The following ADGRE3 variants were observed in gnomAD, a reference collection of about 807,000 sequenced individuals.
ADGRE3 encodes the protein EGF-like module receptor 3.
In ADGRE3, 88 loss-of-function variants were observed where a neutral mutation model predicts 80.1. The observed-to-expected ratio is 1.10, with a 90% CI of 0.93 to 1.31. The LOEUF (loss-of-function observed/expected upper bound fraction) is 1.31. ADGRE3 is among the 40% of genes most tolerant of loss of function. ADGRE3 has a pLI of 0.00. For missense variants in ADGRE3, 715 were observed against 776.5 expected, an observed-to-expected ratio of 0.92 and a Z score of 0.94; for synonymous variants, 281 against 294.8, an observed-to-expected ratio of 0.95 and a Z score of 0.48.
chr19:14,665,978 A>ATATATATATATATATATATATT (rs1568500899), intron 2 of ADGRE3, among the ~76,000 whole-genome samples: 2 of 128,246 alleles, frequency 1.6e-5, no homozygotes, highest in Non-Finnish European at 1.6e-5. Context: ...ATATATATAT[A>ATATATATATATATATATATATT]GTGTTTTCTT....
intron 9 of ADGRE3, among the ~76,000 whole-genome samples, chr19:14,642,593 C>T (rs1031280792): frequency 3.3e-5 from 5 of 152,110 alleles, no homozygotes; most frequent in Admixed American, 1.3e-4. Flanking sequence ...ACTCTCCACC[C>T]TCTTTGTGTC....
chr19:14,617,377 C>CTTTTTCTTT (rs1491527496), downstream of ADGRE3, among the ~76,000 whole-genome samples: 1 of 86,364 alleles, frequency 1.2e-5, no homozygotes, highest in Non-Finnish European at 2.2e-5. Flanking sequence ...TTTCTTTCTT[C>CTTTTTCTTT]CTTTCTTTCT....
At chr19:14,665,104 C>T (rs893956183) in intron 2 of ADGRE3, among the ~76,000 whole-genome samples, 10 of 134,992 alleles carry the variant, frequency 7.4e-5, no homozygotes, top group African/African-American at 8.5e-5. Context: ...CGCTCTGTTG[C>T]CCAGGCCGGA....
rs1195916488 is a variant in ADGRE3 at position 14,665,342 on chromosome 19, C to A, written c.77-1802G>T. On this transcript the variant is annotated intron_variant, in intron 2 of 15. Coordinates refer to ENST00000253673, the MANE Select transcript of ADGRE3 (RefSeq NM_032571.5). ...CCTCTCAAAGTGCTGGGATTACAGG[C>A]GTGAGCTACTGCGCCCAGCTGCAAC... Among the ~76,000 whole-genome samples, 6 of 152,004 alleles carry A rather than the reference C, an allele frequency of 3.9e-5. No individual in the cohort carries two copies. The East Asian group carries it at 1.2e-3, about 29-fold the overall frequency.
At chr19:14,624,688 G>A (rs993188445) in intron 15 of ADGRE3, among the ~76,000 whole-genome samples, 2 of 150,654 alleles carry the variant, frequency 1.3e-5, no homozygotes, top group African/African-American at 2.4e-5. Flanking sequence ...CCAGGAGGTC[G>A]AAACCGCAGT....
At chr19:14,636,407 A>G (rs1231768580) in intron 11 of ADGRE3, among the ~76,000 whole-genome samples, 2 of 150,872 alleles carry the variant, frequency 1.3e-5, no homozygotes, top group African/African-American at 2.4e-5. Context: ...GGGTTTTCAC[A>G]TGTGGGCCAG....
chr19:14,630,972 C>G (rs116726277), intron 13 of ADGRE3, among the ~76,000 whole-genome samples: 263 of 152,078 alleles, frequency 1.7e-3, no homozygotes, highest in African/African-American at 6.1e-3. Context: ...CTCATGGGTT[C>G]AAGCGATTCT....
intron 8 of ADGRE3, among the ~76,000 whole-genome samples, chr19:14,646,679 C>A (rs1470440383): frequency 2.0e-5 from 2 of 102,460 alleles, no homozygotes; most frequent in Admixed American, 1.1e-4. Flanking sequence ...CTCCCTCCCT[C>A]CCTCCCTCCC....
chr19:14,632,908 T>C lies in ADGRE3; in HGVS notation c.1643+13A>G. ...AGGAAAGGGAATAGGAAGTACCATTTGTCACATCCTACCTTGTGTTCTGGA... is the reference window on the plus strand; with the variant it reads ...AGGAAAGGGAATAGGAAGTACCATTCGTCACATCCTACCTTGTGTTCTGGA... On this transcript the variant is annotated intron_variant, in intron 13 of 15. Coordinates refer to ENST00000253673, the MANE Select transcript of ADGRE3 (RefSeq NM_032571.5). The C allele has an allele frequency of 6.4e-7, 1 of 1,570,764 alleles. No individual in the cohort carries two copies. Among genetic ancestry groups the C allele is most frequent in the Non-Finnish European group, 8.8e-7 (1 of 1,140,646 alleles).
At chr19:14,660,017 C>T (rs1296006900) in intron 4 of ADGRE3, among the ~76,000 whole-genome samples, 3 of 151,998 alleles carry the variant, frequency 2.0e-5, no homozygotes, top group Non-Finnish European at 4.4e-5. Flanking sequence ...CTTTGACTTA[C>T]AACCCTGAGT....
the ADGRE3 span, chr19:14,606,911 A>G: frequency 3.3e-6 from 2 of 601,552 alleles, no homozygotes; most frequent in Non-Finnish European, 4.8e-6. Context: ...AGCCCTAAAT[A>G]TGTAGGACAG....
chr19:14,658,483 G>T (rs370065982), intron 5 of ADGRE3, 30 bp downstream of exon 5: 258 of 1,514,752 alleles, frequency 1.7e-4, no homozygotes, highest in Non-Finnish European at 2.1e-4. Flanking sequence ...TTGTTACCTG[G>T]GAAGGGTCTG....
At chr19:14,617,026 C>T (rs763890112), downstream of ADGRE3, among the ~76,000 whole-genome samples, 2 of 150,866 alleles carry the variant, frequency 1.3e-5, no homozygotes, top group Admixed American at 6.6e-5. Flanking sequence ...AACTCCTGAC[C>T]TCAGGTGAAC....
At chr19:14,669,862 T>C (rs1157170721) in intron 1 of ADGRE3, among the ~76,000 whole-genome samples, 1 of 152,116 alleles carries the variant, frequency 6.6e-6, no homozygotes, top group African/African-American at 2.4e-5. Context: ...GTTCTATCTT[T>C]AGTTCTTTAA....
intron 13 of ADGRE3, among the ~76,000 whole-genome samples, chr19:14,632,552 G>C (rs1475620855): frequency 6.6e-6 from 1 of 152,124 alleles, no homozygotes; most frequent in Non-Finnish European, 1.5e-5. Flanking sequence ...CCTTCCCATG[G>C]ATGGGATATT....
chr19:14,607,379 A>G, the ADGRE3 span, among the ~76,000 whole-genome samples: 3 of 149,552 alleles, frequency 2.0e-5, no homozygotes, highest in Admixed American at 6.7e-5. Flanking sequence ...AATTTTTTGT[A>G]TTTTTAGTAG....
rs773805888 is a variant in ADGRE3 at position 14,641,441 on chromosome 19, C to T, written c.1226G>A (p.Gly409Glu). ...TACCTTGGGTTCAGTTCGATCAATCCCCACGAGGAAGAGGAGGTGGGCCAG... is the reference window on the plus strand; with the variant it reads ...TACCTTGGGTTCAGTTCGATCAATCTCCACGAGGAAGAGGAGGTGGGCCAG... ...LFLAHLLFLV[G>E]IDRTEPKVLC... The change falls in exon 10 of 16, where the codon GGG (glycine) becomes GAG (glutamate). Residue 409 changes from glycine (G) to glutamate (E), a missense_variant. Coordinates refer to ENST00000253673, the MANE Select transcript of ADGRE3 (RefSeq NM_032571.5). 4 of 1,613,902 alleles carry T rather than the reference C, an allele frequency of 2.5e-6. No individual in the cohort carries two copies. The South Asian group carries it at 3.3e-5, about 13-fold the overall frequency.
At chr19:14,609,098 C>T in the ADGRE3 span, among the ~76,000 whole-genome samples, 6 of 152,158 alleles carry the variant, frequency 3.9e-5, no homozygotes, top group African/African-American at 9.7e-5. Context: ...CCGCACCTGG[C>T]GGAACATTGG....
At chr19:14,648,439 T>C (rs1971479447) in intron 7 of ADGRE3, among the ~76,000 whole-genome samples, 1 of 152,088 alleles carries the variant, frequency 6.6e-6, no homozygotes, top group African/African-American at 2.4e-5. Context: ...CTCCCTCTTC[T>C]CGAATGGGAC....
Sources: allele counts gnomAD v4.1 joint callset (sites outside exome capture counted in the v4.1 genomes callset), GRCh38; gene constraint gnomAD v4.1.1; transcripts MANE v1.5; gene names NCBI Gene and HGNC (gene_info 2026-07-23, HGNC 2026-07-21).